TBC1D20: variants seen among roughly 807,000 people sequenced by gnomAD.
TBC1D20 encodes the protein chromosome 20 open reading frame 140.
TBC1D20 carries 12 observed loss-of-function variants against 41.6 expected under a neutral mutation model. That is an observed-to-expected ratio of 0.29 (90% CI 0.18 to 0.47). The LOEUF is 0.47. TBC1D20 is among the 20% of genes least tolerant of loss of function. The pLI, the probability that TBC1D20 is intolerant of heterozygous loss-of-function variation, is 1.00. For missense variants in TBC1D20, 421 were observed against 517.4 expected (o/e 0.81, Z 1.81); for synonymous variants, 205 against 204.8 (o/e 1.00, Z -0.01).
At chr20:459,475 A>G (rs929521478) in intron 1 of TBC1D20, among the ~76,000 whole-genome samples, 2 of 152,168 alleles carry the variant, frequency 1.3e-5, no homozygotes, top group Non-Finnish European at 2.9e-5. Flanking sequence ...ATTCCTTTAT[A>G]GTAGAGGTCT....
In TBC1D20 at chr20:453,539, C is replaced by CTTTTTTTTT. The variant is rs1198052752; in HGVS notation, c.71-5466_71-5465insAAAAAAAAA. Among the ~76,000 whole-genome samples, 15 of 109,722 alleles carry CTTTTTTTTT rather than the reference C, an allele frequency of 1.4e-4. 5 individuals carry two copies. Among genetic ancestry groups the CTTTTTTTTT allele is most frequent in the African/African-American group, 3.9e-5 (1 of 25,750 alleles). The allele number at this position is 109,722 out of a possible 152,430, so 72.0% of individuals were successfully genotyped here. A position where few individuals can be genotyped will look rare whatever the true frequency, so the allele number is the denominator to read the frequency against. ...ACGGTGGCTCGTGCCTGTAATCCAG[C>CTTTTTTTTT]ATTTTTTTTTTTTTTTTTTTTTTTG... On this transcript the variant is annotated intron_variant, in intron 1 of 7. Transcript: ENST00000354200.
chr20:443,103 G>GA (rs991879250), intron 3 of TBC1D20, among the ~76,000 whole-genome samples: 1 of 149,954 alleles, frequency 6.7e-6, no homozygotes. Flanking sequence ...CCGTCTCCAA[G>GA]AAAAAAAAAG....
rs768828973 is a variant in TBC1D20 at position 439,658 on chromosome 20, A to G, written c.769-363T>C. 1.3e-5 allele frequency among the ~76,000 whole-genome samples: 2 copies of G among 152,228 alleles called. No individual in the cohort carries two copies. The highest frequency in any genetic ancestry group is 4.8e-5 in the African/African-American group (2 of 41,460). On this transcript the variant is annotated intron_variant, in intron 6 of 7. Coordinates refer to ENST00000354200, the MANE Select transcript of TBC1D20 (RefSeq NM_144628.4). This position sits in a 1 kb window ranked among gnomAD's most constrained non-coding sequence, Gnocchi z 4.6. ...GAGATTCCTGGAGCTCCAGCATAGA[A>G]GAAATGGTTCAAAACAGTAGAAAGA...
At chr20:443,775 G>C (rs912205978) in intron 3 of TBC1D20, among the ~76,000 whole-genome samples, 2 of 152,140 alleles carry the variant, frequency 1.3e-5, no homozygotes, top group Non-Finnish European at 2.9e-5. Flanking sequence ...CCTACAGAAA[G>C]CGTATCACAG....
At position 440,374 on chromosome 20, in the gene TBC1D20, G is replaced by A; in HGVS notation, c.642C>T (p.Thr214=). Residue 214 remains threonine (T), a synonymous_variant, in exon 6 of 8, where the codon ACC becomes ACT. Coordinates refer to ENST00000354200, the MANE Select transcript of TBC1D20 (RefSeq NM_144628.4). ...HDFMQSAEVG[T]IFALSWLITW... ...TGATGAGCCAGCTGAGGGCAAAGAT[G>A]GTCCCTACCTCAGCACTAGAAACAA... The A allele has an allele frequency of 1.9e-6, 3 of 1,614,146 alleles. No individual in the cohort carries two copies. Among genetic ancestry groups the A allele is most frequent in the Non-Finnish European group, 2.5e-6 (3 of 1,180,026 alleles).
intron 1 of TBC1D20, among the ~76,000 whole-genome samples, chr20:457,970 C>A (rs1485774136): frequency 1.3e-5 from 2 of 152,062 alleles, no homozygotes; most frequent in Non-Finnish European, 2.9e-5. Flanking sequence ...TTGGGAGTAC[C>A]CCTGCACTTT....
intron 1 of TBC1D20, among the ~76,000 whole-genome samples, chr20:459,430 T>C (rs969702897): frequency 6.6e-5 from 10 of 152,286 alleles, no homozygotes; most frequent in African/African-American, 1.9e-4. Flanking sequence ...ACTTACAAGA[T>C]AGTGCACTAT....
In TBC1D20 at chr20:435,675, C is replaced by A. The variant is rs1309314505; in HGVS notation, c.*2911G>T. ...TTCCCCTCCCTCCACATGTTCAGCT[C>A]TTCAGAAGCTCCCGTGTTCCTGGGC... is the stretch of plus-strand genomic sequence containing the variant. On this transcript the variant is annotated 3_prime_UTR_variant, in exon 8 of 8. Coordinates refer to ENST00000354200, the MANE Select transcript of TBC1D20 (RefSeq NM_144628.4). 6.5e-6 allele frequency: 1 copy of A among 153,230 alleles called. No homozygotes were observed. Among genetic ancestry groups the A allele is most frequent in the Non-Finnish European group, 1.5e-5 (1 of 68,076 alleles). 9.5% of individuals were successfully genotyped at this position (153,230 alleles called of 1,614,324 possible).
At chr20:447,585 G>A (rs1186702827) in intron 2 of TBC1D20, among the ~76,000 whole-genome samples, 2 of 152,004 alleles carry the variant, frequency 1.3e-5, no homozygotes, top group South Asian at 4.2e-4. Context: ...TTGAACCCAG[G>A]GGGCAGAGGT....
At chr20:447,572 T>G (rs569573734) in intron 2 of TBC1D20, among the ~76,000 whole-genome samples, 72 of 152,112 alleles carry the variant, frequency 4.7e-4, no homozygotes, top group Non-Finnish European at 7.1e-4. Flanking sequence ...GCAGGAAAAT[T>G]GCTTGAACCC....
chr20:458,989 G>A (rs914329764), intron 1 of TBC1D20, among the ~76,000 whole-genome samples: 2 of 152,154 alleles, frequency 1.3e-5, no homozygotes, highest in Non-Finnish European at 2.9e-5. Context: ...ACTCCCACGT[G>A]TGCCACTCTG....
At chr20:448,224 T>A (rs1568578783) in intron 1 of TBC1D20, 150 bp from the exon 2 acceptor site, 3 of 581,386 alleles carry the variant, frequency 5.2e-6, no homozygotes, top group Non-Finnish European at 9.1e-6. Context: ...CACAGCCAGA[T>A]GCACTATTCA....
chr20:445,663 A>G (rs1438660497), intron 2 of TBC1D20, among the ~76,000 whole-genome samples: 1 of 152,234 alleles, frequency 6.6e-6, no homozygotes, highest in African/African-American at 2.4e-5. Context: ...CAAAGAGGAG[A>G]CAGTCCTTGT....
intron 1 of TBC1D20, 77 bp downstream of exon 1, chr20:462,259 C>A: frequency 9.4e-7 from 1 of 1,064,334 alleles, no homozygotes; most frequent in South Asian, 4.0e-5. Context: ...GCCCCTCCGG[C>A]GCCGCCTCCG....
chr20:458,768 T>C (rs2017583146), intron 1 of TBC1D20, among the ~76,000 whole-genome samples: 1 of 152,206 alleles, frequency 6.6e-6, no homozygotes, highest in Admixed American at 6.5e-5. Flanking sequence ...GTAAATGACA[T>C]TATTTTTCCC....
At chr20:457,597 T>A (rs1270046811) in intron 1 of TBC1D20, among the ~76,000 whole-genome samples, 1 of 152,148 alleles carries the variant, frequency 6.6e-6, no homozygotes, top group Non-Finnish European at 1.5e-5. Flanking sequence ...AGAAGAGTTA[T>A]GTGCAAAGAC....
intron 3 of TBC1D20, among the ~76,000 whole-genome samples, chr20:442,388 C>G (rs1206587721): frequency 6.6e-6 from 1 of 152,234 alleles, no homozygotes; most frequent in African/African-American, 2.4e-5. Flanking sequence ...TGCAGGATTT[C>G]TATCAACAGC....
rs369671822 is a variant in TBC1D20, at chr20:441,693, G to C, written c.525-4C>G. The C allele has an allele frequency of 1.9e-6, 3 of 1,613,726 alleles. No homozygotes were observed. Among genetic ancestry groups the C allele is most frequent in the Non-Finnish European group, 1.7e-6 (2 of 1,179,668 alleles). ...CATTGTTGGATCCATAAAATCCCTG[G>C]AGGGAGACAATTCAATAAGCCTGGT... is the stretch of plus-strand genomic sequence containing the variant. On this transcript the variant is annotated splice_region_variant and splice_polypyrimidine_tract_variant and intron_variant, in intron 4 of 7. Transcript: ENST00000354200.
intron 1 of TBC1D20, among the ~76,000 whole-genome samples, chr20:459,660 T>G (rs969104568): frequency 6.6e-6 from 1 of 152,266 alleles, no homozygotes; most frequent in East Asian, 1.9e-4. Context: ...TATTTATTTA[T>G]TTATAAAGAG....
Sources: gnomAD v4.1 joint callset for allele counts (sites outside exome capture counted in the v4.1 genomes callset) on GRCh38, gnomAD v4.1.1 for gene constraint, Gnocchi (gnomAD v3.1) non-coding constraint, MANE v1.5 for transcripts, NCBI Gene and HGNC (gene_info 2026-07-23, HGNC 2026-07-21) for gene names.